The following ASPM variants were observed in gnomAD, a reference collection of about 807,000 sequenced individuals.
ASPM encodes the protein abnormal spindle-like microcephaly-associated protein.
ASPM carries 256 observed loss-of-function variants against 366.4 expected under a neutral mutation model. The observed-to-expected ratio is 0.70, with a 90% CI of 0.63 to 0.77. ASPM has a LOEUF of 0.77. Among genes scored for constraint, ASPM ranks in the 30% least tolerant of loss-of-function variants. ASPM has a pLI of 0.00. For missense variants in ASPM, 4,146 were observed against 4,090.4 expected (o/e 1.01, Z -0.37); for synonymous variants, 1,414 against 1,342.9 (o/e 1.05, Z -1.16).
In ASPM at chr1:197,094,135, C is replaced by G; in HGVS notation, c.9033G>C (p.Trp3011Cys). Residue 3011 changes from tryptophan to cysteine, a missense_variant, in exon 20 of 28, where the codon TGG becomes TGC. By Grantham distance (215) the Trp-to-Cys change is radical. Around this residue, in one of 3 missense-constraint regions of ASPM, gnomAD observed 3,624 missense variants for 3,591.7 expected, o/e 1.01. Transcript: ENST00000367409. ...RASAIIIQRK[W>C]RAILPAKIAH... ...CTATCTTTGCAGGAAGTATAGCTCTCCATTTTCTCTGAATGATAATTGCTG... is the reference window on the plus strand; with the variant it reads ...CTATCTTTGCAGGAAGTATAGCTCTGCATTTTCTCTGAATGATAATTGCTG... 6.2e-7 allele frequency: 1 copy of G among 1,607,664 alleles called. No homozygotes were observed. Among genetic ancestry groups the G allele is most frequent in the Non-Finnish European group, 8.5e-7 (1 of 1,176,174 alleles).
At chr1:197,141,380 A>G (rs1341923616) in intron 3 of ASPM, among the ~76,000 whole-genome samples, 2 of 152,138 alleles carry the variant, frequency 1.3e-5, no homozygotes, top group East Asian at 1.9e-4. Flanking sequence ...AAAGCCTAAA[A>G]TGTTTACTAT....
At chr1:197,089,875 T>C (rs1251446752) in intron 25 of ASPM, 55 bp downstream of exon 25, 15 of 1,559,600 alleles carry the variant, frequency 9.6e-6, no homozygotes, top group Middle Eastern at 1.7e-4. Context: ...AAACTTAATT[T>C]GCAGGGGCAT....
In ASPM at chr1:197,101,382, T is replaced by C. The variant is rs751214621; in HGVS notation, c.7869A>G (p.Glu2623=). Residue 2623 remains glutamate (E), a synonymous_variant, in exon 18 of 28, where the codon GAA becomes GAG. Transcript: ENST00000367409. ...QDMNIKKQIQ[E]QHQAAIIIQK... ...GAATAATAATGGCAGCCTGGTGCTGTTCCTGAATCTGTTTTTTTATGTTCA... is the reference window on the plus strand; with the variant it reads ...GAATAATAATGGCAGCCTGGTGCTGCTCCTGAATCTGTTTTTTTATGTTCA... The C allele has an allele frequency of 1.2e-6, 2 of 1,609,138 alleles. No individual in the cohort carries two copies. The highest frequency in any genetic ancestry group is 1.3e-5 in the African/African-American group (1 of 74,790).
In ASPM at chr1:197,104,674, T is replaced by A. The variant is rs1236684444; in HGVS notation, c.4577A>T (p.Lys1526Ile). The A allele has an allele frequency of 3.1e-6, 5 of 1,613,144 alleles. No homozygotes were observed. The South Asian group carries it at 4.4e-5, about 14-fold the overall frequency. The stretch of plus-strand genomic sequence containing the variant: ...ATAGTTGGTGCGCTCAATCTTTCCT[T>A]TCAGATATGCTTTGTAGTACTTCTG... ...TIQKYYKAYL[K>I]GKIERTNYLQ... Residue 1526 changes from lysine to isoleucine, a missense_variant, in exon 18 of 28, where the codon AAA becomes ATA. Lys to Ile is a moderately radical substitution (Grantham distance 102). Coordinates refer to ENST00000367409, the MANE Select transcript of ASPM (RefSeq NM_018136.5).
intron 3 of ASPM, among the ~76,000 whole-genome samples, chr1:197,141,515 G>A (rs1053391026): frequency 6.6e-6 from 1 of 152,162 alleles, no homozygotes; most frequent in South Asian, 2.1e-4. Context: ...AAGGTTCTAT[G>A]AATTGAACAT....
chr1:197,118,398 A>G (rs1463825909), intron 16 of ASPM, among the ~76,000 whole-genome samples: 3 of 152,116 alleles, frequency 2.0e-5, no homozygotes, highest in Admixed American at 6.6e-5. Context: ...AATTTGAACA[A>G]AGCAAAACAC....
chr1:197,096,616 G>C (rs1374246223), intron 18 of ASPM, among the ~76,000 whole-genome samples: 1 of 151,800 alleles, frequency 6.6e-6, no homozygotes. Context: ...AGAATCCTGA[G>C]AGCTCCTGTG....
rs920320362 is a variant in ASPM at position 197,104,035 on chromosome 1, A to G, written c.5216T>C (p.Val1739Ala). Reference sequence around the variant, plus strand: ...CTGCTTTCGGACAAGGTATCCTCTAACAAATGCTTGCAGTTTGATACAAGA... The same window carrying G: ...CTGCTTTCGGACAAGGTATCCTCTAGCAAATGCTTGCAGTTTGATACAAGA... ...RESCIKLQAF[V>A]RGYLVRKQMR... The change falls in exon 18 of 28, where the codon GTT (valine) becomes GCT (alanine). Residue 1739 changes from valine to alanine, a missense_variant. Physicochemically the swap from Val to Ala is moderately conservative, Grantham distance 64 (BLOSUM62 0). Transcript: ENST00000367409. 6.2e-7 allele frequency: 1 copy of G among 1,612,802 alleles called. No homozygotes were observed. The highest frequency in any genetic ancestry group is 8.5e-7 in the Non-Finnish European group (1 of 1,179,422).
intron 9 of ASPM, 132 bp from the exon 10 acceptor site, chr1:197,128,797 A>G: frequency 1.2e-5 from 9 of 759,148 alleles, no homozygotes; most frequent in Non-Finnish European, 1.4e-5. Flanking sequence ...TACATTAATA[A>G]TGCAAACTTC....
intron 13 of ASPM, among the ~76,000 whole-genome samples, chr1:197,123,008 TATA>T (rs1377656934): frequency 1.3e-5 from 2 of 152,176 alleles, no homozygotes; most frequent in African/African-American, 2.4e-5. Flanking sequence ...AGCCTCTGGT[TATA>T]ATATGTTTAT....
intron 27 of ASPM, among the ~76,000 whole-genome samples, chr1:197,085,208 A>G (rs1298005226): frequency 1.3e-5 from 2 of 152,166 alleles, no homozygotes; most frequent in African/African-American, 4.8e-5. Flanking sequence ...ACAGCTGCAT[A>G]TTACTAAAAA....
At chr1:197,116,403 T>C (rs1571610856) in intron 17 of ASPM, among the ~76,000 whole-genome samples, 1 of 152,180 alleles carries the variant, frequency 6.6e-6, no homozygotes, top group Admixed American at 6.5e-5. Context: ...TGAAAAAGTT[T>C]GAAATATTTT....
intron 16 of ASPM, among the ~76,000 whole-genome samples, chr1:197,120,788 G>T (rs983103897): frequency 3.3e-5 from 5 of 152,024 alleles, no homozygotes; most frequent in Non-Finnish European, 7.4e-5. Context: ...ATGTAGGCAG[G>T]GAGGCAGATC....
rs556146719 is a variant in ASPM at position 197,102,665 on chromosome 1, T to C, written c.6586A>G (p.Ile2196Val). The change falls in exon 18 of 28, where the codon ATT (isoleucine) becomes GTT (valine). Residue 2196 changes from isoleucine (I) to valine (V), a missense_variant. Coordinates refer to ENST00000367409, the MANE Select transcript of ASPM (RefSeq NM_018136.5). Reference sequence around the variant, plus strand: ...CTGTATCTTCTGTAGTTTGACTGAATGAGTGTTGCTGCAGTCTGCATCTTT... The same window carrying C: ...CTGTATCTTCTGTAGTTTGACTGAACGAGTGTTGCTGCAGTCTGCATCTTT... ...LRKMQTAATL[I>V]QSNYRRYRQQ... The C allele has an allele frequency of 2.5e-6, 4 of 1,612,812 alleles. No homozygotes were observed. The East Asian group carries it at 6.7e-5, about 27-fold the overall frequency.
intron 26 of ASPM, 100 bp from the exon 27 acceptor site, chr1:197,087,072 C>G (rs1656614663): frequency 1.7e-6 from 2 of 1,173,522 alleles, no homozygotes; most frequent in Non-Finnish European, 2.4e-6. Context: ...ATGCAGTAAA[C>G]CTTTTTTTTT....
At chr1:197,136,090 G>A (rs2125110826) in intron 4 of ASPM, among the ~76,000 whole-genome samples, 1 of 152,300 alleles carries the variant, frequency 6.6e-6, no homozygotes, top group African/African-American at 2.4e-5. Context: ...AGTGGATTAT[G>A]TATTTAAAAT....
At position 197,094,090 on chromosome 1, in the gene ASPM, C is replaced by T. The variant is rs1340242135; in HGVS notation, c.9078G>A (p.Met3026Ile). The T allele has an allele frequency of 4.5e-6, 7 of 1,562,762 alleles. No homozygotes were observed. Among genetic ancestry groups the T allele is most frequent in the Non-Finnish European group, 6.1e-6 (7 of 1,142,734 alleles). ...ATTAATTTTTAATACCTACTTTTATCATTAAGAAGTGTTCATGAGCTATCT... is the reference window on the plus strand; with the variant it reads ...ATTAATTTTTAATACCTACTTTTATTATTAAGAAGTGTTCATGAGCTATCT... The part of the protein sequence containing the change: ...PAKIAHEHFL[M>I]IKRHRAACLI... The change falls in exon 20 of 28, where the codon ATG becomes ATA. Residue 3026 changes from methionine (M) to isoleucine (I), a missense_variant. This residue lies in a region of ASPM where 3,624 missense variants were observed against 3,591.7 expected (regional missense o/e 1.01). Coordinates refer to ENST00000367409, the MANE Select transcript of ASPM (RefSeq NM_018136.5).
In ASPM at chr1:197,101,952, A is replaced by G. The variant is rs774905141; in HGVS notation, c.7299T>C (p.Ala2433=). The change falls in exon 18 of 28, where the codon GCT becomes GCC. Residue 2433 remains alanine (A), a synonymous_variant. Transcript: ENST00000367409. ...GATATTTCCTCTGAACAAAAATAGT[A>G]GCTTTTTTGAGGGAAATGAATCTTC... is the stretch of plus-strand genomic sequence containing the variant. The part of the protein sequence containing the change: ...VRRRFISLKK[A]TIFVQRKYRA... 2 of 1,612,816 alleles carry G rather than the reference A, an allele frequency of 1.2e-6. No homozygotes were observed. Among genetic ancestry groups the G allele is most frequent in the Middle Eastern group, 1.7e-4 (1 of 6,060 alleles).
intron 4 of ASPM, chr1:197,138,774 T>C: frequency 1.4e-6 from 1 of 731,206 alleles, no homozygotes; most frequent in Non-Finnish European, 2.5e-6. Context: ...TTGTCTTTCT[T>C]TGTATTGGTG....
Sources: gnomAD v4.1 joint callset for allele counts (sites outside exome capture counted in the v4.1 genomes callset) on GRCh38, gnomAD v4.1.1 for gene constraint, gnomAD v4.1.1 regional missense constraint, MANE v1.5 for transcripts, NCBI Gene and HGNC (gene_info 2026-07-23, HGNC 2026-07-21) for gene names.